Variants in TSBP1 observed in about 807,000 individuals in gnomAD.
TSBP1 encodes the protein testis expressed basic protein 1, also known as testis-expressed basic protein 1.
In TSBP1, 56 loss-of-function variants were observed where a neutral mutation model predicts 68.8. That is an observed-to-expected ratio of 0.81 (90% confidence interval 0.66 to 1.02). The LOEUF is 1.02. TSBP1 is among the 50% of genes least tolerant of loss of function. The pLI, the probability that TSBP1 is intolerant of heterozygous loss-of-function variation, is 0.00. For synonymous variants in TSBP1, 171 were observed against 208.7 expected (o/e 0.82, Z 1.56); for missense variants, 502 against 641.2 (o/e 0.78, Z 2.34).
chr6:32,295,723 C>G (rs1025984175), intron 22 of TSBP1, among the ~76,000 whole-genome samples: 1 of 152,004 alleles, frequency 6.6e-6, no homozygotes, highest in Non-Finnish European at 1.5e-5. Context: ...AAATATTGGC[C>G]ATTACTACTT....
intron 19 of TSBP1, among the ~76,000 whole-genome samples, chr6:32,310,451 A>C (rs1018381900): frequency 1.3e-5 from 2 of 151,810 alleles, no homozygotes; most frequent in African/African-American, 2.4e-5. Flanking sequence ...CATTCTATTT[A>C]CAGCTCTTCT....
At position 32,302,704 on chromosome 6, in the gene TSBP1, T is replaced by C; in HGVS notation, c.581-75A>G. On this transcript the variant is annotated intron_variant, in intron 19 of 22. Transcript: ENST00000612031. This position sits in a 1 kb window ranked among gnomAD's most constrained non-coding sequence, Gnocchi z 5.1. ...AAGTACAGTTCTTTCCTACTCCCAATTCCCTAGTTGTTTTTTCTAGGGTAC... is the reference window on the plus strand; with the variant it reads ...AAGTACAGTTCTTTCCTACTCCCAACTCCCTAGTTGTTTTTTCTAGGGTAC... 9.4e-7 allele frequency: 1 copy of C among 1,066,152 alleles called. No homozygotes were observed. The allele number at this position is 1,066,152 out of a possible 1,614,324, so 66.0% of individuals were successfully genotyped here.
rs745939582 is a variant in TSBP1, at chr6:32,330,588, C to G, written c.514+1G>C. The stretch of plus-strand genomic sequence containing the variant: ...GGGAGAAGGATAGATAAGGTACTTA[C>G]CATTGGATCCAGGATATTGTACTAA... On this transcript the variant is annotated splice_donor_variant, in intron 16 of 22. Coordinates refer to ENST00000612031, the Ensembl canonical transcript of TSBP1. LOFTEE classifies it high-confidence loss of function. 6.2e-7 allele frequency: 1 copy of G among 1,606,326 alleles called. No homozygotes were observed. Among genetic ancestry groups the G allele is most frequent in the Non-Finnish European group, 8.5e-7 (1 of 1,175,880 alleles).
At chr6:32,356,293 A>G (rs933957282) in intron 6 of TSBP1, among the ~76,000 whole-genome samples, 3 of 150,882 alleles carry the variant, frequency 2.0e-5, no homozygotes, top group African/African-American at 7.4e-5. Context: ...CAGAAATGTG[A>G]AGACAATAGT....
rs1562075680 is a variant in TSBP1 at position 32,308,957 on chromosome 6, C to CCTTTT, written c.581-6329_581-6328insAAAAG. On this transcript the variant is annotated intron_variant, in intron 19 of 22. Coordinates refer to ENST00000612031, the Ensembl canonical transcript of TSBP1. ...TCTCCTTCTCCTTCTTTTCTTCCTGCTTTTTTTTTTTTTTTTTTGACAGGG... is the reference window on the plus strand; with the variant it reads ...TCTCCTTCTCCTTCTTTTCTTCCTGCCTTTTTTTTTTTTTTTTTTTTTTGACAGGG... Among the ~76,000 whole-genome samples the CCTTTT allele has an allele frequency of 2.5e-5, 3 of 122,050 alleles. 1 individual carries two copies. Among genetic ancestry groups the CCTTTT allele is most frequent in the African/African-American group, 6.3e-5 (2 of 31,686 alleles). The allele number at this position is 122,050 out of a possible 152,430, so 80.1% of individuals were successfully genotyped here. A position where few individuals can be genotyped will look rare whatever the true frequency, so the allele number is the denominator to read the frequency against.
In TSBP1 at chr6:32,293,165, TTTTC is replaced by T; in HGVS notation, c.1504_1507del (p.Glu502ArgfsTer70). ...TGGATCTTTCTCTGCATCTCTCTCC[TTTTC>T]TTTATCATTATTTCCTTTATCCTCA... On this transcript the variant is annotated frameshift_variant, in exon 23 of 23. Transcript: ENST00000612031. LOFTEE classifies it low-confidence loss of function (END_TRUNC). The T allele has an allele frequency of 6.2e-7, 1 of 1,606,154 alleles. No individual in the cohort carries two copies. The highest frequency in any genetic ancestry group is 2.2e-5 in the East Asian group (1 of 44,840).
At chr6:32,313,864 G>A (rs1426300713) in intron 19 of TSBP1, among the ~76,000 whole-genome samples, 3 of 152,178 alleles carry the variant, frequency 2.0e-5, no homozygotes, top group African/African-American at 7.2e-5. Context: ...TTTCATGCCT[G>A]GGGCAGATGG....
chr6:32,328,582 A>T (rs1029399826), intron 16 of TSBP1, among the ~76,000 whole-genome samples: 1 of 149,592 alleles, frequency 6.7e-6, no homozygotes, highest in Non-Finnish European at 1.5e-5. Context: ...TGCCTGGCCA[A>T]TTTTTTGTAT....
chr6:32,371,591 G>A lies in TSBP1; in HGVS notation c.13+103C>T, dbSNP rs771712935. 1.1e-4 allele frequency: 96 copies of A among 850,774 alleles called. 2 individuals are homozygous for A. The highest frequency in any genetic ancestry group is 1.6e-4 in the Non-Finnish European group (79 of 496,076). 52.7% of individuals were successfully genotyped at this position (850,774 alleles called of 1,614,324 possible). On this transcript the variant is annotated intron_variant, in intron 1 of 22. Transcript: ENST00000612031. The stretch of plus-strand genomic sequence containing the variant: ...AAATACTGAATTTGAAAAGGAAGCA[G>A]GCAAGGAAGATAAAGCAGTTGTGTT...
At chr6:32,308,007 T>C (rs1263998679) in intron 19 of TSBP1, among the ~76,000 whole-genome samples, 1 of 152,006 alleles carries the variant, frequency 6.6e-6, no homozygotes, top group Admixed American at 6.5e-5. Context: ...ACTCCTGACC[T>C]CAAGTGATCT....
At chr6:32,320,818 C>A (rs1767541080) in intron 18 of TSBP1, among the ~76,000 whole-genome samples, 1 of 151,990 alleles carries the variant, frequency 6.6e-6, no homozygotes. Context: ...GTTATTTTTC[C>A]TGATCCTCTC....
Position 32,307,778 on chromosome 6 carries a change from GTT to G in TSBP1, c.581-5151_581-5150del, listed in dbSNP as rs9279569. 3.3e-4 allele frequency among the ~76,000 whole-genome samples: 49 copies of G among 146,604 alleles called. No homozygotes were observed. The South Asian group carries it at 8.7e-3, about 26-fold the overall frequency. The stretch of plus-strand genomic sequence containing the variant: ...GTTTTGTTTTGTTGTTAATTGCCTG[GTT>G]TTTTTTTTTTTTGAGACAGAATTTC... On this transcript the variant is annotated intron_variant, in intron 19 of 22. Coordinates refer to ENST00000612031, the Ensembl canonical transcript of TSBP1.
At chr6:32,369,802 C>G in intron 2 of TSBP1, 95 bp downstream of exon 2, 2 of 825,268 alleles carry the variant, frequency 2.4e-6, no homozygotes, top group Non-Finnish European at 4.3e-6. Context: ...AAGTCTCTAG[C>G]TGTTTGATGA....
At chr6:32,347,427 A>T (rs577047667) in intron 9 of TSBP1, among the ~76,000 whole-genome samples, 1 of 152,292 alleles carries the variant, frequency 6.6e-6, no homozygotes, top group African/African-American at 2.4e-5. Flanking sequence ...ATACCCATAT[A>T]CATGCCTGAA....
At chr6:32,295,136 G>C (rs1324396531) in intron 22 of TSBP1, among the ~76,000 whole-genome samples, 1 of 152,054 alleles carries the variant, frequency 6.6e-6, no homozygotes, top group East Asian at 1.9e-4. Context: ...GGGAGTTGGA[G>C]ACCAGCCTGG....
rs1766923052 is a variant in TSBP1 at position 32,316,135 on chromosome 6, C to T, written c.560-343G>A. The stretch of plus-strand genomic sequence containing the variant: ...ATGTTTGAGAGAACACTGAAAGCCT[C>T]TCTCCATTTAAACATCATTATGGAT... On this transcript the variant is annotated intron_variant, in intron 18 of 22. Transcript: ENST00000612031. The surrounding 1 kb of genome is among the most constrained non-coding windows in gnomAD (Gnocchi z 4.5). 6.6e-6 allele frequency among the ~76,000 whole-genome samples: 1 copy of T among 152,190 alleles called. No homozygotes were observed. The highest frequency in any genetic ancestry group is 1.5e-5 in the Non-Finnish European group (1 of 68,044).
intron 9 of TSBP1, among the ~76,000 whole-genome samples, chr6:32,344,858 T>C (rs2127619131): frequency 6.8e-6 from 1 of 146,454 alleles, no homozygotes; most frequent in South Asian, 2.3e-4. Context: ...TAGGTTTTTT[T>C]TTTGGGGCTG....
At chr6:32,362,364 A>ACT (rs1305032156) in intron 6 of TSBP1, among the ~76,000 whole-genome samples, 7 of 151,134 alleles carry the variant, frequency 4.6e-5, no homozygotes, top group East Asian at 3.9e-4. Context: ...GCCCTGTACC[A>ACT]CTTCAGGAAT....
At chr6:32,334,033 T>C (rs1463665009) in intron 14 of TSBP1, 1 of 238,816 alleles carries the variant, frequency 4.2e-6, no homozygotes, top group Non-Finnish European at 8.8e-6. Context: ...AGAAGTCTTA[T>C]GATACCTGCC....
Sources: gnomAD v4.1 joint callset for allele counts (sites outside exome capture counted in the v4.1 genomes callset) on GRCh38, gnomAD v4.1.1 for gene constraint, Gnocchi (gnomAD v3.1) non-coding constraint, MANE v1.5 for transcripts, NCBI Gene and HGNC (gene_info 2026-07-23, HGNC 2026-07-21) for gene names.